Variants in GAREM1 observed in about 807,000 individuals in gnomAD.
The protein encoded by GAREM1 is GRB2-associated and regulator of MAPK protein 1.
A neutral mutation model predicts 71.3 loss-of-function variants in GAREM1; 26 were observed. The ratio of observed to expected loss-of-function variants is 0.36; its 90% confidence interval spans 0.27 to 0.51. GAREM1 has a LOEUF of 0.51. GAREM1 is among the 20% of genes least tolerant of loss of function. The pLI is 0.95. For missense variants in GAREM1, 1,026 were observed against 1,103.1 expected, an observed-to-expected ratio of 0.93 and a Z score of 0.99; for synonymous variants, 440 against 433.2, an observed-to-expected ratio of 1.02 and a Z score of -0.20.
intron 2 of GAREM1, among the ~76,000 whole-genome samples, chr18:32,328,615 T>C (rs1378358011): frequency 2.0e-5 from 3 of 152,214 alleles, no homozygotes; most frequent in South Asian, 2.1e-4. Flanking sequence ...TTAGAGAGGG[T>C]TAGGTAAATG....
intron 4 of GAREM1, among the ~76,000 whole-genome samples, chr18:32,278,980 G>A (rs775069772): frequency 2.0e-5 from 3 of 152,104 alleles, no homozygotes; most frequent in Admixed American, 6.5e-5. Context: ...GGGAAGGAGC[G>A]GGCAGCCACT....
chr18:32,287,902 C>T lies in GAREM1; in HGVS notation c.695G>A (p.Gly232Asp), dbSNP rs773520329. The T allele has an allele frequency of 1.2e-6, 2 of 1,613,944 alleles. No individual in the cohort carries two copies. The highest frequency in any genetic ancestry group is 1.7e-6 in the Non-Finnish European group (2 of 1,179,996). The change falls in exon 4 of 6, where the codon GGC (glycine) becomes GAC (aspartate). Residue 232 changes from glycine (G) to aspartate (D), a missense_variant. Coordinates refer to ENST00000269209, the MANE Select transcript of GAREM1 (RefSeq NM_001242409.2). This position sits in a 1 kb window ranked among gnomAD's most constrained non-coding sequence, Gnocchi z 5.9. Reference sequence around the variant, plus strand: ...CACAATGTTGCGGATGGTGTGTTCGCCCTCTTGCATCTGAAGTTCCAGGGG... The same window carrying T: ...CACAATGTTGCGGATGGTGTGTTCGTCCTCTTGCATCTGAAGTTCCAGGGG... Reference protein sequence around the residue: ...RSPLELQMQEGEHTIRNIVEK... With the variant: ...RSPLELQMQEDEHTIRNIVEK...
intron 1 of GAREM1, among the ~76,000 whole-genome samples, chr18:32,462,481 G>C (rs987107440): frequency 1.3e-5 from 2 of 152,082 alleles, no homozygotes; most frequent in Admixed American, 1.3e-4. Context: ...TTTTGCTATG[G>C]AGTTGAGTTC....
intron 2 of GAREM1, among the ~76,000 whole-genome samples, chr18:32,372,494 T>C (rs1278713754): frequency 6.6e-6 from 1 of 152,144 alleles, no homozygotes; most frequent in African/African-American, 2.4e-5. Flanking sequence ...AACACAATCT[T>C]ATGAGTAGAG....
At position 32,470,140 on chromosome 18, in the gene GAREM1, G is replaced by C. The variant is rs1255702185; in HGVS notation, c.121+168C>G. The C allele has an allele frequency of 1.8e-5, 12 of 680,720 alleles. No homozygotes were observed. In the East Asian group the frequency reaches 3.8e-4, roughly 22 times the overall value. 42.2% of individuals were successfully genotyped at this position (680,720 alleles called of 1,614,324 possible). A position where few individuals can be genotyped will look rare whatever the true frequency, so the allele number is the denominator to read the frequency against. On this transcript the variant is annotated intron_variant, in intron 1 of 5. Transcript: ENST00000269209. This position sits in a 1 kb window ranked among gnomAD's most constrained non-coding sequence, Gnocchi z 4.4. ...CCACCTCCTTGTCTGCTGCTGGGGG[G>C]AGTTGAGAGCAACGCGCCAGGGCTG...
chr18:32,345,451 T>A (rs960511663), intron 2 of GAREM1, among the ~76,000 whole-genome samples: 3 of 152,168 alleles, frequency 2.0e-5, no homozygotes, highest in Non-Finnish European at 2.9e-5. Flanking sequence ...GAACAAAACC[T>A]TATGATATAA....
chr18:32,444,040 A>G (rs561886049), intron 1 of GAREM1, among the ~76,000 whole-genome samples: 1 of 152,290 alleles, frequency 6.6e-6, no homozygotes, highest in East Asian at 1.9e-4. Context: ...GTATGAGTCC[A>G]TTTACACAAA....
intron 1 of GAREM1, among the ~76,000 whole-genome samples, chr18:32,459,262 A>G (rs1370173885): frequency 1.3e-5 from 2 of 152,136 alleles, no homozygotes; most frequent in African/African-American, 2.4e-5. Flanking sequence ...CCTGGACTAC[A>G]TATCTTCAGA....
intron 3 of GAREM1, among the ~76,000 whole-genome samples, chr18:32,290,911 T>G (rs188195942): frequency 3.2e-4 from 48 of 152,264 alleles, no homozygotes; most frequent in Non-Finnish European, 5.0e-4. Context: ...ACAACCCGTG[T>G]GGCAGGGAAT....
intron 2 of GAREM1, among the ~76,000 whole-genome samples, chr18:32,343,311 G>GTTTTTTTTTTTTT (rs35086441): frequency 3.4e-5 from 4 of 118,870 alleles, no homozygotes; most frequent in African/African-American, 1.3e-4. Context: ...CTCCCCCACT[G>GTTTTTTTTTTTTT]TTTTTTTTTT....
rs540035595 is a variant in GAREM1 at position 32,337,948 on chromosome 18, A to T, written c.263-27625T>A. Among the ~76,000 whole-genome samples, 289 of 152,312 alleles carry T rather than the reference A, an allele frequency of 1.9e-3. 2 individuals are homozygous for T. Among genetic ancestry groups the T allele is most frequent in the Non-Finnish European group, 3.1e-3 (214 of 68,032 alleles). On this transcript the variant is annotated intron_variant, in intron 2 of 5. Transcript: ENST00000269209. ...CAAAACACATTCGCTAACTAACCAA[A>T]CAAACTGGAAGGAGGCATACCACAA...
At chr18:32,416,382 T>G (rs2048466449) in intron 1 of GAREM1, among the ~76,000 whole-genome samples, 1 of 152,104 alleles carries the variant, frequency 6.6e-6, no homozygotes, top group Admixed American at 6.6e-5. Context: ...AAAATTTATA[T>G]GGAACCACAA....
intron 1 of GAREM1, among the ~76,000 whole-genome samples, chr18:32,435,457 A>G (rs1351542426): frequency 1.3e-5 from 2 of 152,196 alleles, no homozygotes; most frequent in Non-Finnish European, 2.9e-5. Flanking sequence ...AAAAGCTGAA[A>G]AAACAAAAGT....
At chr18:32,295,887 G>A (rs139524417) in intron 3 of GAREM1, among the ~76,000 whole-genome samples, 18 of 151,958 alleles carry the variant, frequency 1.2e-4, no homozygotes, top group African/African-American at 1.7e-4. Flanking sequence ...TTAGTACTTC[G>A]GTATTCATCT....
intron 1 of GAREM1, among the ~76,000 whole-genome samples, chr18:32,399,456 T>C (rs2048290177): frequency 1.3e-5 from 2 of 152,230 alleles, no homozygotes; most frequent in African/African-American, 2.4e-5. Flanking sequence ...CTTAAGCTGA[T>C]AGGCAACTTC....
chr18:32,361,919 C>T (rs985693992), intron 2 of GAREM1, among the ~76,000 whole-genome samples: 3 of 152,170 alleles, frequency 2.0e-5, no homozygotes, highest in Non-Finnish European at 4.4e-5. Context: ...CATATCTTTA[C>T]ATGAGTGTGT....
In GAREM1 at chr18:32,267,689, TTTTA is replaced by T. The variant is rs948194601; in HGVS notation, c.*178_*181del. On this transcript the variant is annotated 3_prime_UTR_variant, in exon 6 of 6. Transcript: ENST00000269209. ...CACCTCCAAGTGTTCTGTACAGCAT[TTTTA>T]TTGATGTACAAAATAGCCTGTTCAC... The T allele has an allele frequency of 1.9e-5, 11 of 582,264 alleles. No individual in the cohort carries two copies. The Admixed American group carries it at 2.5e-4, about 13-fold the overall frequency. 36.1% of individuals were successfully genotyped at this position (582,264 alleles called of 1,614,324 possible). A position where few individuals can be genotyped will look rare whatever the true frequency, so the allele number is the denominator to read the frequency against.
At chr18:32,290,642 G>GGAA (rs1260675400) in intron 3 of GAREM1, among the ~76,000 whole-genome samples, 69 of 75,644 alleles carry the variant, frequency 9.1e-4, no homozygotes, top group African/African-American at 2.9e-3. Flanking sequence ...CAGACTGTCT[G>GGAA]AAAAAAAAAA....
intron 2 of GAREM1, among the ~76,000 whole-genome samples, chr18:32,390,540 C>A (rs2048185906): frequency 6.6e-6 from 1 of 152,066 alleles, no homozygotes; most frequent in South Asian, 2.1e-4. Context: ...GATCTTAGTG[C>A]CCATGTTTCC....
Sources: gnomAD v4.1 joint callset for allele counts (sites outside exome capture counted in the v4.1 genomes callset) on GRCh38, gnomAD v4.1.1 for gene constraint, Gnocchi (gnomAD v3.1) non-coding constraint, MANE v1.5 for transcripts, NCBI Gene and HGNC (gene_info 2026-07-23, HGNC 2026-07-21) for gene names.